Variants in MYH10 observed in about 807,000 individuals in gnomAD.
The protein encoded by MYH10 is myosin heavy chain 10, also known as myosin-10.
MYH10 carries 55 observed loss-of-function variants against 257.8 expected under a neutral mutation model. The observed-to-expected ratio is 0.21, with a 90% CI of 0.17 to 0.27. MYH10 has a LOEUF of 0.27. Ranked by LOEUF, MYH10 falls within the 10% of genes least tolerant of loss-of-function variation. MYH10 has a pLI of 1.00. For synonymous variants in MYH10, 854 were observed against 921.7 expected (o/e 0.93, Z 1.33); for missense variants, 1,631 against 2,500.6 (o/e 0.65, Z 7.42).
chr17:8,542,628 A>G (rs2082320923), intron 13 of MYH10, among the ~76,000 whole-genome samples: 1 of 152,250 alleles, frequency 6.6e-6, no homozygotes, highest in Non-Finnish European at 1.5e-5. Flanking sequence ...AAATAAATAA[A>G]TGAGACAGTA....
chr17:8,566,926 C>T (rs1432435071), intron 7 of MYH10, among the ~76,000 whole-genome samples: 3 of 152,180 alleles, frequency 2.0e-5, no homozygotes, highest in African/African-American at 4.8e-5. Context: ...CAGGAAAAAG[C>T]GGGGCCACTG....
intron 14 of MYH10, among the ~76,000 whole-genome samples, chr17:8,541,491 G>A (rs1314801054): frequency 2.0e-5 from 3 of 152,100 alleles, no homozygotes; most frequent in Non-Finnish European, 1.5e-5. Context: ...GAGATCACAT[G>A]GAGCTGAGTT....
chr17:8,583,736 C>T (rs1244852969), intron 4 of MYH10, among the ~76,000 whole-genome samples: 7 of 152,152 alleles, frequency 4.6e-5, no homozygotes, highest in African/African-American at 1.4e-4. Context: ...GGCTGGCTGG[C>T]TATCATTACT....
chr17:8,530,092 C>A (rs551671138), intron 17 of MYH10, among the ~76,000 whole-genome samples: 1 of 152,252 alleles, frequency 6.6e-6, no homozygotes, highest in South Asian at 2.1e-4. Flanking sequence ...CAGATAGGCA[C>A]ACAAATTCCA....
intron 4 of MYH10, among the ~76,000 whole-genome samples, chr17:8,582,320 G>C (rs2083735069): frequency 6.6e-6 from 1 of 152,176 alleles, no homozygotes; most frequent in South Asian, 2.1e-4. Context: ...CCTCAGAAAA[G>C]TGAACAACAG....
intron 3 of MYH10, among the ~76,000 whole-genome samples, chr17:8,601,549 A>C (rs410990): frequency 0.96 from 145,997 of 152,240 alleles, 70,292 homozygotes; most frequent in East Asian, 1. Context: ...AGAATCTACA[A>C]ATACATTCCA....
chr17:8,615,130 T>C (rs1358998047), intron 2 of MYH10, among the ~76,000 whole-genome samples: 2 of 152,024 alleles, frequency 1.3e-5, no homozygotes, highest in Admixed American at 6.6e-5. Flanking sequence ...CCCATCTCTA[T>C]TAAAAAATAC....
At chr17:8,550,519 G>C (rs1436222731) in intron 9 of MYH10, among the ~76,000 whole-genome samples, 5 of 151,388 alleles carry the variant, frequency 3.3e-5, no homozygotes, top group Admixed American at 6.6e-5. Flanking sequence ...AGGGAGGTGG[G>C]GGGGACAGCC....
intron 2 of MYH10, among the ~76,000 whole-genome samples, chr17:8,609,029 C>T (rs890971725): frequency 6.6e-6 from 1 of 152,076 alleles, no homozygotes; most frequent in Non-Finnish European, 1.5e-5. Flanking sequence ...GCCAGGATGG[C>T]CTCGATCCCC....
chr17:8,615,794 A>T (rs1379470336), intron 2 of MYH10, among the ~76,000 whole-genome samples: 1 of 152,228 alleles, frequency 6.6e-6, no homozygotes, highest in East Asian at 1.9e-4. Context: ...GGAATACGAG[A>T]AAATCTCCCT....
intron 16 of MYH10, among the ~76,000 whole-genome samples, chr17:8,534,743 G>C (rs895493946): frequency 6.6e-6 from 1 of 152,238 alleles, no homozygotes; most frequent in African/African-American, 2.4e-5. Context: ...AACAGAGCCA[G>C]GATGAAATGT....
chr17:8,513,898 A>G lies in MYH10; in HGVS notation c.2505-4T>C. 1 of 1,610,728 alleles carries G rather than the reference A, an allele frequency of 6.2e-7. No individual in the cohort carries two copies. The highest frequency in any genetic ancestry group is 8.5e-7 in the Non-Finnish European group (1 of 1,178,506). ...CTGCTGCTTCTTGGCAAAGGCCCTG[A>G]AGAACAATAAGAAAAACTTATGATG... On this transcript the variant is annotated splice_polypyrimidine_tract_variant and splice_region_variant and intron_variant, in intron 21 of 42. Transcript: ENST00000360416.
chr17:8,476,295 C>T (rs1454936445), intron 42 of MYH10, among the ~76,000 whole-genome samples: 1 of 152,246 alleles, frequency 6.6e-6, no homozygotes, highest in Non-Finnish European at 1.5e-5. Flanking sequence ...GACTCTGTTG[C>T]ATATTCTTTG....
chr17:8,514,503 G>C (rs2081401044), intron 21 of MYH10, among the ~76,000 whole-genome samples: 2 of 151,994 alleles, frequency 1.3e-5, no homozygotes, highest in South Asian at 4.2e-4. Flanking sequence ...CCATACCTGG[G>C]CTTCCCACTA....
chr17:8,497,927 C>T (rs1020767269), intron 30 of MYH10, among the ~76,000 whole-genome samples: 3 of 147,756 alleles, frequency 2.0e-5, no homozygotes, highest in Admixed American at 1.4e-4. Flanking sequence ...TATAAGTAAT[C>T]TAGAGATGAT....
At position 8,474,600 on chromosome 17, in the gene MYH10, TCAAA is replaced by T. The variant is rs1912202479; in HGVS notation, c.*1200_*1203del. ...GAGAGGTACATGATATGAAGCACAG[TCAAA>T]ACTGAATACATTAAATTGTTATAGA... On this transcript the variant is annotated 3_prime_UTR_variant, in exon 43 of 43. Transcript: ENST00000360416. 3 of 152,632 alleles carry T rather than the reference TCAAA, an allele frequency of 2.0e-5. No homozygotes were observed. Among genetic ancestry groups the T allele is most frequent in the African/African-American group, 4.8e-5 (2 of 41,450 alleles). 9.5% of individuals were successfully genotyped at this position (152,632 alleles called of 1,614,324 possible). A position where few individuals can be genotyped will look rare whatever the true frequency, so the allele number is the denominator to read the frequency against.
In MYH10 at chr17:8,499,291, C is replaced by G; in HGVS notation, c.3930G>C (p.Ala1310=). The G allele has an allele frequency of 6.2e-7, 1 of 1,613,726 alleles. No individual in the cohort carries two copies. Among genetic ancestry groups the G allele is most frequent in the Non-Finnish European group, 8.5e-7 (1 of 1,179,818 alleles). Residue 1310 remains alanine (A), a synonymous_variant, in exon 30 of 43, where the codon GCG becomes GCC. Coordinates refer to ENST00000360416, the MANE Select transcript of MYH10 (RefSeq NM_001256012.3). Reference sequence around the variant, plus strand: ...TTACCTGCAGCTTACTTGCTTTCTCCGCCAGCTCCACCCTGAGCCTGTCGC... The same window carrying G: ...TTACCTGCAGCTTACTTGCTTTCTCGGCCAGCTCCACCCTGAGCCTGTCGC... ...SEGDRLRVEL[A]EKASKLQNEL... is the part of the protein sequence containing the mutation.
chr17:8,493,721 G>C lies in MYH10; in HGVS notation c.4209+12C>G, dbSNP rs202208360. ...ATCGAGGCCACCGCGGCCTCCTAAA[G>C]AGGACGCACACCTGGGACTGCAGGG... is the stretch of plus-strand genomic sequence containing the variant. On this transcript the variant is annotated intron_variant, in intron 32 of 42. Coordinates refer to ENST00000360416, the MANE Select transcript of MYH10 (RefSeq NM_001256012.3). 6.2e-7 allele frequency: 1 copy of C among 1,609,876 alleles called. No homozygotes were observed. The highest frequency in any genetic ancestry group is 1.7e-4 in the Middle Eastern group (1 of 6,038).
chr17:8,591,888 C>T (rs1315472601), intron 3 of MYH10, among the ~76,000 whole-genome samples: 1 of 152,146 alleles, frequency 6.6e-6, no homozygotes, highest in Non-Finnish European at 1.5e-5. Context: ...AGGGGATAGG[C>T]TTGCCAACCT....
Sources: allele counts gnomAD v4.1 joint callset (sites outside exome capture counted in the v4.1 genomes callset), GRCh38; gene constraint gnomAD v4.1.1; transcripts MANE v1.5; gene names NCBI Gene and HGNC (gene_info 2026-07-23, HGNC 2026-07-21).